Variants in CUL7 observed in about 807,000 individuals in gnomAD.
CUL7 encodes cullin-7.
A neutral mutation model predicts 177.7 loss-of-function variants in CUL7; 96 were observed. That is an observed-to-expected ratio of 0.54 (90% CI 0.46 to 0.64). CUL7 has a LOEUF of 0.64. Among genes scored for constraint, CUL7 ranks in the 30% least tolerant of loss-of-function variants. CUL7 has a pLI of 0.00. For missense variants in CUL7, 1,893 were observed against 2,187.9 expected (o/e 0.87, Z 2.69); for synonymous variants, 824 against 890.2 (o/e 0.93, Z 1.32).
At position 43,052,971 on chromosome 6, in the gene CUL7, A is replaced by G. The variant is rs1364280444; in HGVS notation, c.-8-175T>C. ...GTGGGGGCAGGCCTAAGCAGAGAAC[A>G]CTGGGGTGTTTGTTGTGAAAGAACA... On this transcript the variant is annotated intron_variant, in intron 1 of 25. Transcript: ENST00000265348. This position sits in a 1 kb window ranked among gnomAD's most constrained non-coding sequence, Gnocchi z 4.5. Among the ~76,000 whole-genome samples, 2 of 152,180 alleles carry G rather than the reference A, an allele frequency of 1.3e-5. No homozygotes were observed.
rs762217148 is a variant in CUL7 at position 43,045,949 on chromosome 6, A to T, written c.2766+37T>A. The T allele has an allele frequency of 6.6e-7, 1 of 1,506,528 alleles. No individual in the cohort carries two copies. The highest frequency in any genetic ancestry group is 2.3e-5 in the East Asian group (1 of 44,266). 93.3% of individuals were successfully genotyped at this position (1,506,528 alleles called of 1,614,324 possible). ...TAGAAGCAGGAGGGCAGATCCTGTG[A>T]GGGGTGGAGTAATGGCTAATGGCCC... On this transcript the variant is annotated intron_variant, in intron 13 of 25. Coordinates refer to ENST00000265348, the MANE Select transcript of CUL7 (RefSeq NM_014780.5). This position sits in a 1 kb window ranked among gnomAD's most constrained non-coding sequence, Gnocchi z 4.8.
chr6:43,046,507 G>A lies in CUL7; in HGVS notation c.2488+4C>T, dbSNP rs745655698. 2.1e-5 allele frequency: 34 copies of A among 1,614,168 alleles called. No individual in the cohort carries two copies. Among genetic ancestry groups the A allele is most frequent in the South Asian group, 1.2e-4 (11 of 91,076 alleles). ...GGTGGAGCAACACGGCAACAGGCAC[G>A]AACCCTGGCACAGGTATCTGAGGAA... On this transcript the variant is annotated splice_donor_region_variant and intron_variant, in intron 11 of 25. Transcript: ENST00000265348.
Position 43,043,704 on chromosome 6 carries a change from G to C in CUL7, c.3173-74C>G. On this transcript the variant is annotated intron_variant, in intron 16 of 25. Transcript: ENST00000265348. This position sits in a 1 kb window ranked among gnomAD's most constrained non-coding sequence, Gnocchi z 4.2. ...GTGGGAGTGGTTGGGCTGAACAGGA[G>C]TGTGGAGATAGAGCAACTGGACGGA... is the stretch of plus-strand genomic sequence containing the variant. 1.0e-6 allele frequency: 1 copy of C among 1,000,836 alleles called. No individual in the cohort carries two copies. The highest frequency in any genetic ancestry group is 1.6e-6 in the Non-Finnish European group (1 of 643,276). 62.0% of individuals were successfully genotyped at this position (1,000,836 alleles called of 1,614,324 possible). A position where few individuals can be genotyped will look rare whatever the true frequency, so the allele number is the denominator to read the frequency against.
intron 19 of CUL7, among the ~76,000 whole-genome samples, chr6:43,042,185 G>A (rs898514431): frequency 1.3e-5 from 2 of 151,900 alleles, no homozygotes; most frequent in African/African-American, 4.8e-5. Context: ...ACACAAGGAG[G>A]TAAGTTACAT....
In CUL7 at chr6:43,050,925, C is replaced by T; in HGVS notation, c.1233+43G>A. 6.2e-7 allele frequency: 1 copy of T among 1,610,856 alleles called. No individual in the cohort carries two copies. The highest frequency in any genetic ancestry group is 1.8e-4 in the Middle Eastern group (1 of 5,530). The stretch of plus-strand genomic sequence containing the variant: ...TAGAAGTCCCAGCTCTGCCCTACCC[C>T]AAATAGACCCCCAACAGTATCCCAC... On this transcript the variant is annotated intron_variant, in intron 4 of 25. Transcript: ENST00000265348. This position sits in a 1 kb window ranked among gnomAD's most constrained non-coding sequence, Gnocchi z 4.1.
rs373837537 is a variant in CUL7 at position 43,049,934 on chromosome 6, A to G, written c.1569+29T>C. The G allele has an allele frequency of 8.6e-5, 137 of 1,601,078 alleles. No individual in the cohort carries two copies. The African/African-American group carries it at 1.5e-3, about 17-fold the overall frequency. On this transcript the variant is annotated intron_variant, in intron 6 of 25. Coordinates refer to ENST00000265348, the MANE Select transcript of CUL7 (RefSeq NM_014780.5). ...CCAGCCCTTGCAATAGAGCCCTCCA[A>G]CCTCTGAGTGTCTCCAGGCTGGCTC...
At position 43,048,368 on chromosome 6, in the gene CUL7, G is replaced by A. The variant is rs199704962; in HGVS notation, c.2027C>T (p.Pro676Leu). The A allele has an allele frequency of 3.5e-4, 559 of 1,613,424 alleles. 3 individuals carry two copies. The highest frequency in any genetic ancestry group is 8.0e-5 in the African/African-American group (6 of 75,026). The change falls in exon 8 of 26, where the codon CCG becomes CTG. Residue 676 changes from proline to leucine, a missense_variant. By Grantham distance (98) the Pro-to-Leu change is moderately conservative (BLOSUM62 -3). Coordinates refer to ENST00000265348, the MANE Select transcript of CUL7 (RefSeq NM_014780.5). ...FLALMQSLDT[P>L]ETNRTLHLTV... ...CAGGTGCAGGGTCCTGTTAGTCTCCGGAGTGTCCAGGCTCTGCATCAGTGC... is the reference window on the plus strand; with the variant it reads ...CAGGTGCAGGGTCCTGTTAGTCTCCAGAGTGTCCAGGCTCTGCATCAGTGC...
intron 6 of CUL7, 106 bp downstream of exon 6, chr6:43,049,857 C>G (rs550047504): frequency 7.3e-7 from 1 of 1,372,442 alleles, no homozygotes; most frequent in Admixed American, 1.7e-5. Context: ...CAGCCCCTTC[C>G]ACTCTCTGAC....
rs1427084419 is a variant in CUL7 at position 43,053,118 on chromosome 6, C to T, written c.-8-322G>A. ...TGGAGTTACAAGTGAATCCCAAGGCCTTGGAACAGGCAGCAACCTATGGGG... is the reference window on the plus strand; with the variant it reads ...TGGAGTTACAAGTGAATCCCAAGGCTTTGGAACAGGCAGCAACCTATGGGG... On this transcript the variant is annotated intron_variant, in intron 1 of 25. Transcript: ENST00000265348. This position sits in a 1 kb window ranked among gnomAD's most constrained non-coding sequence, Gnocchi z 4.1. Among the ~76,000 whole-genome samples, 1 of 152,088 alleles carries T rather than the reference C, an allele frequency of 6.6e-6. No homozygotes were observed. The highest frequency in any genetic ancestry group is 2.4e-5 in the African/African-American group (1 of 41,402).
Position 43,049,972 on chromosome 6 carries a change from T to C in CUL7, c.1560A>G (p.Leu520=). Residue 520 remains leucine (L), a synonymous_variant, in exon 6 of 26, where the codon CTA becomes CTG. Transcript: ENST00000265348. ...TCCAGGCTGGCTCTACCTCCCCATC[T>C]AGGTTCTCCTGGAGGATCTGGAGAA... ...QEVLQILQEN[L]DGEILDDEIL... 1 of 1,614,038 alleles carries C rather than the reference T, an allele frequency of 6.2e-7. No homozygotes were observed. Among genetic ancestry groups the C allele is most frequent in the Non-Finnish European group, 8.5e-7 (1 of 1,179,954 alleles).
intron 23 of CUL7, 43 bp from the exon 24 acceptor site, chr6:43,038,735 G>C (rs775923304): frequency 3.7e-6 from 6 of 1,612,986 alleles, no homozygotes; most frequent in Non-Finnish European, 4.2e-6. Context: ...TCCCCAAGGA[G>C]TGGAGAGAAG....
Position 43,043,360 on chromosome 6 carries a change from T to G in CUL7, c.3355+88A>C. 2.2e-6 allele frequency: 3 copies of G among 1,378,418 alleles called. No individual in the cohort carries two copies. Among genetic ancestry groups the G allele is most frequent in the Non-Finnish European group, 2.1e-6 (2 of 970,906 alleles). The allele number at this position is 1,378,418 out of a possible 1,614,324, so 85.4% of individuals were successfully genotyped here. On this transcript the variant is annotated intron_variant, in intron 17 of 25. Coordinates refer to ENST00000265348, the MANE Select transcript of CUL7 (RefSeq NM_014780.5). The surrounding 1 kb of genome is among the most constrained non-coding windows in gnomAD (Gnocchi z 4.2). The stretch of plus-strand genomic sequence containing the variant: ...GCTGAGCCCATAGGGAGGGGAAGGA[T>G]GGGGATGGACAGAAGCCTGTGGTGT...
chr6:43,044,098 G>A (rs890716332), intron 16 of CUL7, among the ~76,000 whole-genome samples: 3 of 152,170 alleles, frequency 2.0e-5, no homozygotes, highest in African/African-American at 7.2e-5. Context: ...TGAGGCGGGT[G>A]GATCACCTGA....
chr6:43,053,420 A>G lies in CUL7; in HGVS notation c.-9+202T>C, dbSNP rs2150340066. ...AGACCCAGGGCAGGGTGCACAGACCAGGTAGGCGAGGGGCTTGGGGACCGA... is the reference window on the plus strand; with the variant it reads ...AGACCCAGGGCAGGGTGCACAGACCGGGTAGGCGAGGGGCTTGGGGACCGA... On this transcript the variant is annotated intron_variant, in intron 1 of 25. Coordinates refer to ENST00000265348, the MANE Select transcript of CUL7 (RefSeq NM_014780.5). This position sits in a 1 kb window ranked among gnomAD's most constrained non-coding sequence, Gnocchi z 4.1. Among the ~76,000 whole-genome samples the G allele has an allele frequency of 6.6e-6, 1 of 152,144 alleles. No homozygotes were observed. The highest frequency in any genetic ancestry group is 1.9e-4 in the East Asian group (1 of 5,172).
At chr6:43,039,032 G>A (rs1240814497) in intron 22 of CUL7, 45 bp from the exon 23 acceptor site, 4 of 1,401,192 alleles carry the variant, frequency 2.9e-6, no homozygotes, top group Non-Finnish European at 4.1e-6. Context: ...GTGAAAGGAG[G>A]GAGTTGGTGT....
Position 43,052,619 on chromosome 6 carries a change from T to C in CUL7, c.170A>G (p.Gln57Arg), listed in dbSNP as rs778299034. The C allele has an allele frequency of 1.2e-6, 2 of 1,614,102 alleles. No homozygotes were observed. The highest frequency in any genetic ancestry group is 4.5e-5 in the East Asian group (2 of 44,898). Residue 57 changes from glutamine to arginine, a missense_variant, in exon 2 of 26, where the codon CAA becomes CGA. Physicochemically the swap from Gln to Arg is conservative, Grantham distance 43. Transcript: ENST00000265348. The surrounding 1 kb of genome is among the most constrained non-coding windows in gnomAD (Gnocchi z 4.5). Reference sequence around the variant, plus strand: ...GATGTGCTCAGCCTTGCAGTCCACTTGGCCAGAGCCCCCGTCCCCCTCATC... The same window carrying C: ...GATGTGCTCAGCCTTGCAGTCCACTCGGCCAGAGCCCCCGTCCCCCTCATC... ...RGDEGDGGSG[Q>R]VDCKAEHILL... is the part of the protein sequence containing the mutation.
At chr6:43,042,754 A>G in intron 19 of CUL7, 48 bp downstream of exon 19, 2 of 1,254,758 alleles carry the variant, frequency 1.6e-6, no homozygotes, top group East Asian at 4.6e-5. Flanking sequence ...TGAGGAAGGG[A>G]GAGTTTGTCG....
Position 43,051,072 on chromosome 6 carries a change from G to A in CUL7, c.1129C>T (p.Leu377=), listed in dbSNP as rs190095946. Residue 377 remains leucine, a synonymous_variant, in exon 4 of 26, where the codon CTG becomes TTG. Coordinates refer to ENST00000265348, the MANE Select transcript of CUL7 (RefSeq NM_014780.5). The surrounding 1 kb of genome is among the most constrained non-coding windows in gnomAD (Gnocchi z 5.0). ...NTYALYVRDT[L]QPGMRVRMLD... ...ATCCGCACTCGCATCCCCGGCTGCA[G>A]TGTGTCCCGCACATACAAAGCATAG... is the stretch of plus-strand genomic sequence containing the variant. 12 of 1,614,200 alleles carry A rather than the reference G, an allele frequency of 7.4e-6. No homozygotes were observed. In the East Asian group the frequency reaches 2.2e-4, roughly 30 times the overall value.
chr6:43,039,074 T>C, intron 22 of CUL7, 87 bp from the exon 23 acceptor site: 1 of 882,584 alleles, frequency 1.1e-6, no homozygotes, highest in East Asian at 2.4e-5. Context: ...TCACGCTCTG[T>C]TTATCTCTGC....
Sources: gnomAD v4.1 joint callset for allele counts (sites outside exome capture counted in the v4.1 genomes callset) on GRCh38, gnomAD v4.1.1 for gene constraint, Gnocchi (gnomAD v3.1) non-coding constraint, MANE v1.5 for transcripts, NCBI Gene and HGNC (gene_info 2026-07-23, HGNC 2026-07-21) for gene names.